Variants in BCAT1 observed in about 807,000 individuals in gnomAD.
BCAT1 encodes the protein branched chain amino acid transaminase 1, also known as branched-chain-amino-acid aminotransferase, cytosolic.
Under a neutral mutation model 52.4 loss-of-function variants are expected in BCAT1, and 48 were observed. The ratio of observed to expected loss-of-function variants is 0.92; its 90% confidence interval spans 0.73 to 1.16. BCAT1 has a LOEUF of 1.16. Among genes scored for constraint, BCAT1 ranks in the 50% most tolerant of loss-of-function variants. The pLI is 0.00. For missense variants in BCAT1, 451 were observed against 457.1 expected (o/e 0.99, Z 0.12); for synonymous variants, 167 against 161.3 (o/e 1.04, Z -0.27).
At chr12:24,857,935 GCT>G (rs1941739772) in intron 5 of BCAT1, among the ~76,000 whole-genome samples, 1 of 152,200 alleles carries the variant, frequency 6.6e-6, no homozygotes. Flanking sequence ...AGAGAAGCAT[GCT>G]CTTGGCCACC....
chr12:24,850,181 A>C (rs1228549172), intron 5 of BCAT1, among the ~76,000 whole-genome samples: 1 of 152,194 alleles, frequency 6.6e-6, no homozygotes, highest in Non-Finnish European at 1.5e-5. Flanking sequence ...GGATTTTAGC[A>C]AAAAAGCTAG....
At chr12:24,860,539 A>G (rs960589848) in intron 5 of BCAT1, among the ~76,000 whole-genome samples, 2 of 152,236 alleles carry the variant, frequency 1.3e-5, no homozygotes, top group Non-Finnish European at 1.5e-5. Flanking sequence ...CAGCATAGTA[A>G]TTTGCATATG....
chr12:24,816,786 T>C lies in BCAT1; in HGVS notation c.*1222A>G, dbSNP rs1454135886. 2 of 389,012 alleles carry C rather than the reference T, an allele frequency of 5.1e-6. No individual in the cohort carries two copies. The highest frequency in any genetic ancestry group is 9.1e-6 in the Non-Finnish European group (2 of 220,218). 24.1% of individuals were successfully genotyped at this position (389,012 alleles called of 1,614,324 possible). A position where few individuals can be genotyped will look rare whatever the true frequency, so the allele number is the denominator to read the frequency against. On this transcript the variant is annotated 3_prime_UTR_variant, in exon 11 of 11. Coordinates refer to ENST00000261192, the MANE Select transcript of BCAT1 (RefSeq NM_005504.7). ...GAAGGGTGGTTTCAGGATGAAACTG[T>C]TACACCTCAGGTCATCAAGCATTAG...
chr12:24,834,591 T>C (rs1940841002), intron 8 of BCAT1: 1 of 977,856 alleles, frequency 1.0e-6, no homozygotes, highest in Non-Finnish European at 1.2e-6. Context: ...AAAATGGAAA[T>C]CAAAGCTCTT....
Position 24,816,409 on chromosome 12 carries a change from G to T in BCAT1, c.*1599C>A. The T allele has an allele frequency of 2.5e-6, 1 of 397,192 alleles. No homozygotes were observed. The highest frequency in any genetic ancestry group is 1.3e-4 in the South Asian group (1 of 7,512). 24.6% of individuals were successfully genotyped at this position (397,192 alleles called of 1,614,324 possible). ...GGAAAAATGTTTTCTGTCAAGATTT[G>T]ACTTTCCTTAGATAAACCACAAAGG... is the stretch of plus-strand genomic sequence containing the variant. On this transcript the variant is annotated 3_prime_UTR_variant, in exon 11 of 11. Transcript: ENST00000261192.
rs901062468 is a variant in BCAT1 at position 24,816,238 on chromosome 12, C to T, written c.*1770G>A. On this transcript the variant is annotated 3_prime_UTR_variant, in exon 11 of 11. Coordinates refer to ENST00000261192, the MANE Select transcript of BCAT1 (RefSeq NM_005504.7). ...CCCATTTTCTATGTGTTGCTAAATG[C>T]CTCAAGGAAATTTTTCCAATGCATC... is the stretch of plus-strand genomic sequence containing the variant. 2 of 338,518 alleles carry T rather than the reference C, an allele frequency of 5.9e-6. No homozygotes were observed. Among genetic ancestry groups the T allele is most frequent in the Admixed American group, 4.8e-5 (1 of 20,946 alleles). 21.0% of individuals were successfully genotyped at this position (338,518 alleles called of 1,614,324 possible). A position where few individuals can be genotyped will look rare whatever the true frequency, so the allele number is the denominator to read the frequency against.
chr12:24,829,048 T>C (rs1458064977), intron 10 of BCAT1, among the ~76,000 whole-genome samples: 1 of 147,284 alleles, frequency 6.8e-6, no homozygotes, highest in East Asian at 2.0e-4. Context: ...AATAAATAAA[T>C]AAATAAAGTA....
At chr12:24,881,446 C>T in intron 3 of BCAT1, 35 bp from the exon 4 acceptor site, 2 of 1,440,202 alleles carry the variant, frequency 1.4e-6, no homozygotes, top group Non-Finnish European at 2.0e-6. Context: ...TAGAGGGTAA[C>T]CAAAAGAAAA....
Position 24,810,081 on chromosome 12 carries a change from C to A in BCAT1, c.*7927G>T, listed in dbSNP as rs531119967. The stretch of plus-strand genomic sequence containing the variant: ...ACGAACTTTTCAGAATCCCTAGTGG[C>A]TTAGTGACAAAGACCTTTGGAGAGA... On this transcript the variant is annotated 3_prime_UTR_variant, in exon 11 of 11. Transcript: ENST00000261192. The A allele has an allele frequency of 1.3e-5, 2 of 152,268 alleles. No homozygotes were observed. Among genetic ancestry groups the A allele is most frequent in the Middle Eastern group, 3.4e-3 (1 of 294 alleles). The allele number at this position is 152,268 out of a possible 1,614,324, so 9.4% of individuals were successfully genotyped here.
chr12:24,878,656 G>C lies in BCAT1; in HGVS notation c.391-7C>G. The C allele has an allele frequency of 1.3e-6, 2 of 1,594,012 alleles. No individual in the cohort carries two copies. Among genetic ancestry groups the C allele is most frequent in the Non-Finnish European group, 1.7e-6 (2 of 1,170,346 alleles). On this transcript the variant is annotated splice_polypyrimidine_tract_variant and splice_region_variant and intron_variant, in intron 4 of 10. Transcript: ENST00000261192. Reference sequence around the variant, plus strand: ...GCTCTTCTTTGTCAAATACCTGAAAGAATGAAAAACATAATAAATGACAGA... The same window carrying C: ...GCTCTTCTTTGTCAAATACCTGAAACAATGAAAAACATAATAAATGACAGA...
intron 2 of BCAT1, among the ~76,000 whole-genome samples, chr12:24,901,438 T>C (rs924618325): frequency 6.6e-6 from 1 of 152,234 alleles, no homozygotes; most frequent in African/African-American, 2.4e-5. Context: ...TGCAACACTT[T>C]CACTGTAGAG....
rs144573137 is a variant in BCAT1, at chr12:24,864,633, G to C, written c.510+13897C>G. Among the ~76,000 whole-genome samples, 59 of 152,006 alleles carry C rather than the reference G, an allele frequency of 3.9e-4. No individual in the cohort carries two copies. In the East Asian group the frequency reaches 6.2e-3, roughly 16 times the overall value. ...CTTCTGGCTAATTACTATTAGCTTA[G>C]AGATATGCCATAATATCTCCCAACT... On this transcript the variant is annotated intron_variant, in intron 5 of 10. Coordinates refer to ENST00000261192, the MANE Select transcript of BCAT1 (RefSeq NM_005504.7).
intron 5 of BCAT1, among the ~76,000 whole-genome samples, chr12:24,873,612 A>C (rs1372990776): frequency 6.6e-6 from 1 of 152,198 alleles, no homozygotes; most frequent in Non-Finnish European, 1.5e-5. Context: ...CCTTATCCAC[A>C]AAGCTTCTGA....
intron 6 of BCAT1, among the ~76,000 whole-genome samples, chr12:24,843,644 A>G (rs1941244945): frequency 6.6e-6 from 1 of 152,174 alleles, no homozygotes; most frequent in Admixed American, 6.5e-5. Flanking sequence ...ATGTTAGTGT[A>G]TATCTACTGT....
intron 10 of BCAT1, among the ~76,000 whole-genome samples, chr12:24,829,507 G>GT: frequency 6.6e-6 from 1 of 152,086 alleles, no homozygotes; most frequent in Admixed American, 6.5e-5. Flanking sequence ...TTTAACAAAA[G>GT]TTATGTTATC....
At chr12:24,868,971 AC>A (rs1270261678) in intron 5 of BCAT1, among the ~76,000 whole-genome samples, 2 of 152,232 alleles carry the variant, frequency 1.3e-5, no homozygotes, top group African/African-American at 4.8e-5. Flanking sequence ...CCTAGAATAT[AC>A]AAAGATGCAA....
chr12:24,860,497 GA>G (rs1343804739), intron 5 of BCAT1, among the ~76,000 whole-genome samples: 2 of 152,124 alleles, frequency 1.3e-5, no homozygotes, highest in Non-Finnish European at 2.9e-5. Flanking sequence ...TCAAGAATTT[GA>G]AAACTATTTG....
chr12:24,909,186 A>T (rs543342513), intron 1 of BCAT1, among the ~76,000 whole-genome samples: 7 of 152,072 alleles, frequency 4.6e-5, no homozygotes, highest in South Asian at 2.1e-4. Context: ...AAGTTTCTTT[A>T]AAAAAAATAA....
intron 5 of BCAT1, among the ~76,000 whole-genome samples, chr12:24,851,145 T>C (rs4963813): frequency 0.96 from 146,016 of 152,116 alleles, 70,354 homozygotes; most frequent in East Asian, 1. Flanking sequence ...CTCAGCAATA[T>C]AAGACCACAT....
Sources: allele counts gnomAD v4.1 joint callset (sites outside exome capture counted in the v4.1 genomes callset), GRCh38; gene constraint gnomAD v4.1.1; transcripts MANE v1.5; gene names NCBI Gene and HGNC (gene_info 2026-07-23, HGNC 2026-07-21).